ANO2: variants seen among roughly 807,000 people sequenced by gnomAD.
The protein encoded by ANO2 is anoctamin-2.
ANO2 carries 101 observed loss-of-function variants against 124.2 expected under a neutral mutation model. The observed-to-expected ratio is 0.81, with a 90% confidence interval of 0.69 to 0.96. The LOEUF (loss-of-function observed/expected upper bound fraction) is 0.96, where lower values mean the gene tolerates loss of function less well. Among genes scored for constraint, ANO2 ranks in the 40% least tolerant of loss-of-function variants. The pLI is 0.00. For synonymous variants in ANO2, 486 were observed against 482.5 expected (o/e 1.01, Z -0.09); for missense variants, 1,293 against 1,274.5 (o/e 1.01, Z -0.22).
intron 1 of ANO2, among the ~76,000 whole-genome samples, chr12:5,927,184 C>T (rs1942119088): frequency 6.6e-6 from 1 of 152,206 alleles, no homozygotes; most frequent in African/African-American, 2.4e-5. Flanking sequence ...GAAGCACTGG[C>T]TGTCTGTCCC....
intron 7 of ANO2, among the ~76,000 whole-genome samples, chr12:5,822,475 A>T (rs1953833576): frequency 6.6e-6 from 1 of 152,202 alleles, no homozygotes; most frequent in African/African-American, 2.4e-5. Flanking sequence ...CAAAGTGGCC[A>T]TGGTGGCAGG....
intron 20 of ANO2, among the ~76,000 whole-genome samples, chr12:5,586,528 T>C (rs76447269): frequency 6.6e-4 from 100 of 152,348 alleles, no homozygotes; most frequent in African/African-American, 2.3e-3. Context: ...TTCTCAGGTA[T>C]TCTAGAAAAT....
intron 21 of ANO2, 132 bp from the exon 22 acceptor site, chr12:5,578,139 T>C: frequency 7.7e-7 from 1 of 1,294,722 alleles, no homozygotes; most frequent in Admixed American, 2.2e-5. Flanking sequence ...AATGGGCTTG[T>C]CTGGAAAGGC....
At chr12:5,764,593 T>C (rs1951825251) in intron 10 of ANO2, among the ~76,000 whole-genome samples, 1 of 152,214 alleles carries the variant, frequency 6.6e-6, no homozygotes, top group Admixed American at 6.5e-5. Flanking sequence ...AAAGAAAATG[T>C]TGGGCATGAG....
intron 3 of ANO2, among the ~76,000 whole-genome samples, chr12:5,884,876 A>C (rs1938774493): frequency 6.6e-6 from 1 of 151,930 alleles, no homozygotes. Flanking sequence ...TGGAGAGCAG[A>C]GGGGACCCTA....
chr12:5,593,900 A>T (rs1423246656), intron 20 of ANO2, among the ~76,000 whole-genome samples: 7 of 152,196 alleles, frequency 4.6e-5, no homozygotes, highest in Non-Finnish European at 8.8e-5. Context: ...TGCTTGATGA[A>T]CTTTAATGAG....
chr12:5,829,434 C>G (rs1214312258), intron 6 of ANO2, among the ~76,000 whole-genome samples: 3 of 152,214 alleles, frequency 2.0e-5, no homozygotes, highest in Non-Finnish European at 4.4e-5. Context: ...CTTGCCCATC[C>G]TGCAAGTAAG....
intron 3 of ANO2, among the ~76,000 whole-genome samples, chr12:5,894,246 T>G (rs989652949): frequency 3.3e-5 from 5 of 152,246 alleles, no homozygotes; most frequent in African/African-American, 1.2e-4. Context: ...CCAGTGGTGA[T>G]GAGTTTTTTT....
intron 10 of ANO2, among the ~76,000 whole-genome samples, chr12:5,793,531 T>C (rs1407881403): frequency 6.6e-6 from 1 of 152,210 alleles, no homozygotes; most frequent in Non-Finnish European, 1.5e-5. Context: ...TTTTCCTCCC[T>C]GGGGCATGAC....
At chr12:5,639,405 CAGAA>C (rs1946215397) in intron 15 of ANO2, among the ~76,000 whole-genome samples, 1 of 152,168 alleles carries the variant, frequency 6.6e-6, no homozygotes, top group African/African-American at 2.4e-5. Context: ...AAAAAGGAAA[CAGAA>C]AGCACTACCC....
At chr12:5,830,528 T>C (rs753444165) in intron 5 of ANO2, 39 bp from the exon 6 acceptor site, 2 of 1,586,820 alleles carry the variant, frequency 1.3e-6, no homozygotes, top group South Asian at 2.3e-5. Context: ...ATTCATTTCA[T>C]TACCCTTGCC....
intron 10 of ANO2, 92 bp from the exon 11 acceptor site, chr12:5,751,062 CATAG>C: frequency 1.6e-6 from 2 of 1,233,028 alleles, no homozygotes; most frequent in South Asian, 3.3e-5. Flanking sequence ...GGTGGGTCAA[CATAG>C]ATATTCATTC....
chr12:5,606,679 G>A (rs1485917751), intron 19 of ANO2, among the ~76,000 whole-genome samples: 3 of 152,076 alleles, frequency 2.0e-5, no homozygotes, highest in Admixed American at 6.5e-5. Flanking sequence ...CTGAAGAGTG[G>A]GAAGCAATGT....
intron 20 of ANO2, among the ~76,000 whole-genome samples, chr12:5,591,607 G>A (rs1350126446): frequency 1.3e-5 from 2 of 152,138 alleles, no homozygotes; most frequent in African/African-American, 4.8e-5. Flanking sequence ...AGAGAAGGGT[G>A]GGAGAGATCG....
At chr12:5,932,313 G>C (rs1390238688) in intron 1 of ANO2, among the ~76,000 whole-genome samples, 2 of 147,088 alleles carry the variant, frequency 1.4e-5, no homozygotes, top group Non-Finnish European at 3.0e-5. Flanking sequence ...GCAGACGAGT[G>C]AGGAAAGAAG....
At chr12:5,838,324 G>A (rs1021522885) in intron 4 of ANO2, among the ~76,000 whole-genome samples, 1 of 152,176 alleles carries the variant, frequency 6.6e-6, no homozygotes, top group Non-Finnish European at 1.5e-5. Context: ...GAAGGCCAGA[G>A]TCCCACCAGA....
chr12:5,695,712 G>C (rs4930787), intron 14 of ANO2, among the ~76,000 whole-genome samples: 1,788 of 152,104 alleles, frequency 0.012, 34 homozygotes, highest in African/African-American at 0.041. Context: ...CTGGTGGCGC[G>C]TGCCTGTAAC....
At chr12:5,820,394 G>A (rs1316926416) in intron 7 of ANO2, among the ~76,000 whole-genome samples, 1 of 152,160 alleles carries the variant, frequency 6.6e-6, no homozygotes, top group African/African-American at 2.4e-5. Context: ...GTTAAAGTAA[G>A]GACTTATGGA....
chr12:5,618,789 T>A (rs971661173), intron 16 of ANO2, among the ~76,000 whole-genome samples: 2 of 152,182 alleles, frequency 1.3e-5, no homozygotes, highest in African/African-American at 4.8e-5. Flanking sequence ...TTCCCCTTCC[T>A]TCAAGGAGCT....
Sources: allele counts gnomAD v4.1 joint callset (sites outside exome capture counted in the v4.1 genomes callset), GRCh38; gene constraint gnomAD v4.1.1; transcripts MANE v1.5; gene names NCBI Gene and HGNC (gene_info 2026-07-23, HGNC 2026-07-21).